The following CNGB1 variants were observed in gnomAD, a reference collection of about 807,000 sequenced individuals.
CNGB1 encodes cyclic nucleotide gated channel subunit beta 1.
Under a neutral mutation model 151.7 loss-of-function variants are expected in CNGB1, and 126 were observed. The ratio of observed to expected loss-of-function variants is 0.83; its 90% confidence interval spans 0.72 to 0.96. The LOEUF is 0.96. Ranked by LOEUF, CNGB1 falls within the 40% of genes least tolerant of loss-of-function variation. The probability of loss-of-function intolerance (pLI) is 0.00; values close to 1 mark genes in which losing one functional copy is unlikely to be tolerated. For synonymous variants in CNGB1, 623 were observed against 635.1 expected (o/e 0.98, Z 0.29); for missense variants, 1,698 against 1,627.0 (o/e 1.04, Z -0.75).
intron 19 of CNGB1, among the ~76,000 whole-genome samples, chr16:57,920,126 A>T (rs1269582526): frequency 6.6e-6 from 1 of 152,238 alleles, no homozygotes; most frequent in Non-Finnish European, 1.5e-5. Flanking sequence ...GGAAAGGGAC[A>T]GAAGGGTCAA....
rs775296376 is a variant in CNGB1, at chr16:57,950,511, G to C, written c.904C>G (p.Pro302Ala). The change falls in exon 13 of 33, where the codon CCT becomes GCT. Residue 302 changes from proline (P) to alanine (A), a missense_variant. Pro to Ala is a conservative substitution (Grantham distance 27, BLOSUM62 -1). Coordinates refer to ENST00000251102, the MANE Select transcript of CNGB1 (RefSeq NM_001297.5). ...ISILPGGQVE[P>A]DLVLEEVEPP... ...TCAACCTCCTCTAGGACAAGGTCAG[G>C]CTCCACTTGTCCTCCAGGAAGGATG... 1.9e-6 allele frequency: 3 copies of C among 1,614,196 alleles called. No individual in the cohort carries two copies. The highest frequency in any genetic ancestry group is 1.1e-5 in the South Asian group (1 of 91,082).
chr16:57,904,127 C>T (rs1596962651), intron 26 of CNGB1, 146 bp from the exon 27 acceptor site: 2 of 701,794 alleles, frequency 2.8e-6, no homozygotes, highest in Admixed American at 2.1e-5. Flanking sequence ...CAGATGTCCT[C>T]ACACAGAGAA....
chr16:57,920,694 A>T, intron 18 of CNGB1, 150 bp from the exon 19 acceptor site: 1 of 899,840 alleles, frequency 1.1e-6, no homozygotes, highest in East Asian at 2.6e-5. Flanking sequence ...ATCAGAAACC[A>T]CAGACCTACC....
chr16:57,926,076 C>T (rs1436126868), intron 17 of CNGB1, among the ~76,000 whole-genome samples: 2 of 152,182 alleles, frequency 1.3e-5, no homozygotes, highest in African/African-American at 2.4e-5. Context: ...GGGACCAAGC[C>T]TGACAAGGAT....
intron 14 of CNGB1, among the ~76,000 whole-genome samples, chr16:57,948,316 CTTTTT>C (rs58470336): frequency 3.7e-5 from 5 of 136,632 alleles, no homozygotes; most frequent in South Asian, 2.4e-4. Context: ...TCTTCTTCTT[CTTTTT>C]TTTTTTTTTT....
At position 57,884,082 on chromosome 16, in the gene CNGB1, GTGGGGCGC is replaced by G. The variant is rs1959831170; in HGVS notation, c.*74_*81del. Reference sequence around the variant, plus strand: ...ATCTTCTCTTGAGCCGTGGGGGAAGGTGGGGCGCTGGGGCGCAGGGGCGCAGCGGGCGC... The same window carrying G: ...ATCTTCTCTTGAGCCGTGGGGGAAGGTGGGGCGCAGGGGCGCAGCGGGCGC... On this transcript the variant is annotated 3_prime_UTR_variant, in exon 33 of 33. Coordinates refer to ENST00000251102, the MANE Select transcript of CNGB1 (RefSeq NM_001297.5). 1 of 1,592,794 alleles carries G rather than the reference GTGGGGCGC, an allele frequency of 6.3e-7. No homozygotes were observed. The highest frequency in any genetic ancestry group is 1.7e-4 in the Middle Eastern group (1 of 6,010).
chr16:57,891,025 G>A lies in CNGB1; in HGVS notation c.3243-2951C>T, dbSNP rs114518294. Among the ~76,000 whole-genome samples, 553 of 152,328 alleles carry A rather than the reference G, an allele frequency of 3.6e-3. 3 individuals are homozygous for A. The highest frequency in any genetic ancestry group is 0.012 in the African/African-American group (516 of 41,568). ...TGCACAGGCACTGTCAGGAATGGGG[G>A]CCTCTGCACAGCTCTTGGGAGGTGC... On this transcript the variant is annotated intron_variant, in intron 31 of 32. Transcript: ENST00000251102.
At chr16:57,959,844 CAT>C in intron 10 of CNGB1, 42 bp downstream of exon 10, 1 of 1,461,036 alleles carries the variant, frequency 6.8e-7, no homozygotes, top group Non-Finnish European at 9.1e-7. Flanking sequence ...ACAAGGTGCT[CAT>C]CCTGCTCCCT....
chr16:57,906,163 C>T (rs112320338), intron 25 of CNGB1, among the ~76,000 whole-genome samples: 7 of 152,180 alleles, frequency 4.6e-5, no homozygotes, highest in South Asian at 2.1e-4. Context: ...CTCAGCCATT[C>T]GGCTCAGCCA....
intron 14 of CNGB1, among the ~76,000 whole-genome samples, chr16:57,945,016 A>G (rs1961770349): frequency 1.3e-5 from 2 of 150,968 alleles, no homozygotes; most frequent in Admixed American, 1.3e-4. Context: ...GAGCCTAGGG[A>G]AAAAAAAACT....
intron 17 of CNGB1, among the ~76,000 whole-genome samples, chr16:57,925,623 T>C (rs1961162014): frequency 6.6e-6 from 1 of 152,146 alleles, no homozygotes; most frequent in Admixed American, 6.5e-5. Context: ...TCTGTGAAAG[T>C]AAAATGGTGG....
At chr16:57,911,997 A>T in intron 24 of CNGB1, 122 bp from the exon 25 acceptor site, 1 of 1,345,100 alleles carries the variant, frequency 7.4e-7, no homozygotes, top group Non-Finnish European at 1.0e-6. Context: ...TTGAGATTGC[A>T]CCAGTTAGGA....
At chr16:57,904,999 A>C (rs1337751539) in intron 25 of CNGB1, 124 bp from the exon 26 acceptor site, 251 of 1,281,550 alleles carry the variant, frequency 2.0e-4, no homozygotes, top group Non-Finnish European at 2.5e-4. Flanking sequence ...TTTACAGCTC[A>C]TCTATGCAAG....
intron 14 of CNGB1, among the ~76,000 whole-genome samples, chr16:57,944,093 G>A (rs1961740869): frequency 6.6e-6 from 1 of 151,926 alleles, no homozygotes; most frequent in East Asian, 1.9e-4. Context: ...TCACCATGTT[G>A]GCCAGGCTGG....
rs1959862548 is a variant in CNGB1 at position 57,884,668 on chromosome 16, C to T, written c.3463-211G>A. On this transcript the variant is annotated intron_variant, in intron 32 of 32. Transcript: ENST00000251102. The stretch of plus-strand genomic sequence containing the variant: ...GGGGAAGTGTACAGATTAAAAGTCC[C>T]GGTTGGATTTCGTGGAAAGTCTTGG... Among the ~76,000 whole-genome samples the T allele has an allele frequency of 2.0e-5, 3 of 151,984 alleles. No individual in the cohort carries two copies. In the South Asian group the frequency reaches 6.2e-4, roughly 32 times the overall value.
Position 57,903,917 on chromosome 16 carries a change from G to A in CNGB1, c.2699C>T (p.Thr900Met), listed in dbSNP as rs558302615. 6 of 1,614,104 alleles carry A rather than the reference G, an allele frequency of 3.7e-6. No homozygotes were observed. Among genetic ancestry groups the A allele is most frequent in the Admixed American group, 1.7e-5 (1 of 60,020 alleles). The change falls in exon 27 of 33, where the codon ACG (threonine) becomes ATG (methionine). Residue 900 changes from threonine (T) to methionine (M), a missense_variant. By Grantham distance (81) the Thr-to-Met change is moderately conservative. Coordinates refer to ENST00000251102, the MANE Select transcript of CNGB1 (RefSeq NM_001297.5). ...CTTGTAGAAATTCATGTACTTCACC[G>A]TGCTGTCCATGCAGCTGCGGTAGTA... Reference protein sequence around the residue: ...QTYYRSCMDSTVKYMNFYKIP... With the variant: ...QTYYRSCMDSMVKYMNFYKIP...
At chr16:57,918,310 G>A (rs1960935824) in intron 20 of CNGB1, among the ~76,000 whole-genome samples, 1 of 151,958 alleles carries the variant, frequency 6.6e-6, no homozygotes, top group Non-Finnish European at 1.5e-5. Context: ...GGACACCAGG[G>A]TTGAAGTCCT....
At chr16:57,924,595 G>A (rs990602336) in intron 17 of CNGB1, among the ~76,000 whole-genome samples, 1 of 152,246 alleles carries the variant, frequency 6.6e-6, no homozygotes, top group African/African-American at 2.4e-5. Flanking sequence ...ACATCAGGAT[G>A]AGCATCAGAT....
Position 57,897,859 on chromosome 16 carries a change from C to A in CNGB1, c.3032G>T (p.Gly1011Val), listed in dbSNP as rs200487336. Residue 1011 changes from glycine (G) to valine (V), a missense_variant, in exon 30 of 33, where the codon GGC becomes GTC. Gly to Val is a moderately radical substitution (Grantham distance 109, BLOSUM62 -3). Coordinates refer to ENST00000251102, the MANE Select transcript of CNGB1 (RefSeq NM_001297.5). ...IIQAGQVQVL[G>V]GPDGKSVLVT... ...CAGCACAGATTTCCCATCAGGGCCG[C>A]CCAAGACCTGCACTTGCCCTGCCTG... The A allele has an allele frequency of 1.1e-5, 18 of 1,614,232 alleles. No individual in the cohort carries two copies. The highest frequency in any genetic ancestry group is 1.3e-5 in the Non-Finnish European group (15 of 1,180,034).
Sources: gnomAD v4.1 joint callset for allele counts (sites outside exome capture counted in the v4.1 genomes callset) on GRCh38, gnomAD v4.1.1 for gene constraint, MANE v1.5 for transcripts, NCBI Gene and HGNC (gene_info 2026-07-23, HGNC 2026-07-21) for gene names.